SLC7A6OS: variants seen among roughly 807,000 people sequenced by gnomAD.
SLC7A6OS encodes the protein probable RNA polymerase II nuclear localization protein SLC7A6OS.
A neutral mutation model predicts 34.3 loss-of-function variants in SLC7A6OS; 22 were observed. The observed-to-expected ratio is 0.64, with a 90% CI of 0.46 to 0.92. SLC7A6OS has a LOEUF of 0.92. Among genes scored for constraint, SLC7A6OS ranks in the 40% least tolerant of loss-of-function variants. SLC7A6OS has a pLI of 0.00. For synonymous variants in SLC7A6OS, 199 were observed against 165.0 expected (o/e 1.21, Z -1.58); for missense variants, 434 against 407.7 (o/e 1.06, Z -0.56).
intron 3 of SLC7A6OS, among the ~76,000 whole-genome samples, chr16:68,303,263 CAA>C (rs796694122): frequency 6.1e-4 from 51 of 84,128 alleles, no homozygotes; most frequent in African/African-American, 7.7e-4. Context: ...GACTCCATCT[CAA>C]AAAAAAAAAA....
rs2043243975 is a variant in SLC7A6OS, at chr16:68,300,107, G to A, written c.*1168C>T. 6.6e-6 allele frequency: 1 copy of A among 152,238 alleles called. No individual in the cohort carries two copies. The highest frequency in any genetic ancestry group is 1.5e-5 in the Non-Finnish European group (1 of 68,042). 9.4% of individuals were successfully genotyped at this position (152,238 alleles called of 1,614,324 possible). On this transcript the variant is annotated 3_prime_UTR_variant, in exon 5 of 5. Coordinates refer to ENST00000263997, the MANE Select transcript of SLC7A6OS (RefSeq NM_032178.3). ...GTACACCCCTAGCTGAATGTTCTGT[G>A]TTGTTTCCTTAGACCTGTGGTGTCC...
rs1312626979 is a variant in SLC7A6OS at position 68,310,562 on chromosome 16, T to C, written c.244A>G (p.Ser82Gly). 7.6e-6 allele frequency: 12 copies of C among 1,584,124 alleles called. No individual in the cohort carries two copies. Among genetic ancestry groups the C allele is most frequent in the Non-Finnish European group, 1.0e-5 (12 of 1,166,652 alleles). The change falls in exon 2 of 5, where the codon AGC becomes GGC. Residue 82 changes from serine to glycine, a missense_variant. Physicochemically the swap from Ser to Gly is moderately conservative, Grantham distance 56. Transcript: ENST00000263997. ...LREVLRPSRDSQQRVRRNLRA... is the reference protein window; with the variant it reads ...LREVLRPSRDGQQRVRRNLRA... ...AGATTACGGCGGACACGCTGCTGGC[T>C]GTCCCGTGACGGGCGCAGAACTTCC...
chr16:68,310,328 T>A lies in SLC7A6OS; in HGVS notation c.471+7A>T. 1 of 1,590,780 alleles carries A rather than the reference T, an allele frequency of 6.3e-7. No homozygotes were observed. The highest frequency in any genetic ancestry group is 8.6e-7 in the Non-Finnish European group (1 of 1,164,816). On this transcript the variant is annotated splice_region_variant and intron_variant, in intron 2 of 4. Coordinates refer to ENST00000263997, the MANE Select transcript of SLC7A6OS (RefSeq NM_032178.3). Reference sequence around the variant, plus strand: ...AGCCCAGCGACCACCTTCAGGGGCATACTCACTTTGCAGGAGCCTGCAGAG... The same window carrying A: ...AGCCCAGCGACCACCTTCAGGGGCAAACTCACTTTGCAGGAGCCTGCAGAG...
In SLC7A6OS at chr16:68,300,655, C is replaced by T; in HGVS notation, c.*620G>A. 1.0e-6 allele frequency: 1 copy of T among 985,444 alleles called. No individual in the cohort carries two copies. Among genetic ancestry groups the T allele is most frequent in the Non-Finnish European group, 1.2e-6 (1 of 829,932 alleles). The allele number at this position is 985,444 out of a possible 1,614,324, so 61.0% of individuals were successfully genotyped here. On this transcript the variant is annotated 3_prime_UTR_variant, in exon 5 of 5. Coordinates refer to ENST00000263997, the MANE Select transcript of SLC7A6OS (RefSeq NM_032178.3). ...TAGATTTTACTAAACACATGTATCACATTCATATATATTGTTTCTTGGCCC... is the reference window on the plus strand; with the variant it reads ...TAGATTTTACTAAACACATGTATCATATTCATATATATTGTTTCTTGGCCC...
chr16:68,301,734 G>A (rs1001182381), intron 4 of SLC7A6OS: 18 of 177,490 alleles, frequency 1.0e-4, no homozygotes, highest in African/African-American at 3.1e-4. Context: ...CTTTTAACGT[G>A]TTATTGACAA....
chr16:68,301,086 A>C lies in SLC7A6OS; in HGVS notation c.*189T>G. ...GATTGAGGCAAAGGGGTCCTACTGT[A>C]AGTGGAAAAGACTCACTCCCCTAAC... On this transcript the variant is annotated 3_prime_UTR_variant, in exon 5 of 5. Coordinates refer to ENST00000263997, the MANE Select transcript of SLC7A6OS (RefSeq NM_032178.3). 7.7e-7 allele frequency: 1 copy of C among 1,294,110 alleles called. No homozygotes were observed. The highest frequency in any genetic ancestry group is 9.8e-7 in the Non-Finnish European group (1 of 1,019,436). 80.2% of individuals were successfully genotyped at this position (1,294,110 alleles called of 1,614,324 possible). A position where few individuals can be genotyped will look rare whatever the true frequency, so the allele number is the denominator to read the frequency against.
At chr16:68,307,515 A>T (rs117078882) in intron 2 of SLC7A6OS, among the ~76,000 whole-genome samples, 3 of 152,328 alleles carry the variant, frequency 2.0e-5, no homozygotes, top group Non-Finnish European at 2.9e-5. Flanking sequence ...AAATGCTGTC[A>T]TTTTTAAATT....
chr16:68,304,221 T>G lies in SLC7A6OS; in HGVS notation c.483A>C (p.Pro161=). The change falls in exon 3 of 5, where the codon CCA becomes CCC. Residue 161 remains proline, a synonymous_variant. Coordinates refer to ENST00000263997, the MANE Select transcript of SLC7A6OS (RefSeq NM_032178.3). ...ASAGSCKTSD[P]DVILCNSVEL... Reference sequence around the variant, plus strand: ...CTACAGAATTGCAGAGGATCACATCTGGGTCAGATGTCTGTAAAGAAACCA... The same window carrying G: ...CTACAGAATTGCAGAGGATCACATCGGGGTCAGATGTCTGTAAAGAAACCA... The G allele has an allele frequency of 6.2e-7, 1 of 1,614,154 alleles. No homozygotes were observed. Among genetic ancestry groups the G allele is most frequent in the African/African-American group, 1.3e-5 (1 of 75,042 alleles).
At chr16:68,307,673 C>G (rs774641923) in intron 2 of SLC7A6OS, among the ~76,000 whole-genome samples, 5 of 152,060 alleles carry the variant, frequency 3.3e-5, no homozygotes, top group Non-Finnish European at 7.3e-5. Context: ...CAATTGTGTA[C>G]GCTTTTAATC....
chr16:68,304,042 C>T lies in SLC7A6OS; in HGVS notation c.662G>A (p.Ser221Asn). The T allele has an allele frequency of 6.2e-7, 1 of 1,613,558 alleles. No individual in the cohort carries two copies. Residue 221 changes from serine (S) to asparagine (N), a missense_variant, in exon 3 of 5, where the codon AGC (serine) becomes AAC (asparagine). Transcript: ENST00000263997. ...CCCCCTTACCAGCTCCCATTCTTGG[C>T]TGTAGGGCTGCACGGAGAGGATGTT... is the stretch of plus-strand genomic sequence containing the variant. Reference protein sequence around the residue: ...IENILSVQPYSQEWELVNDDQ... With the variant: ...IENILSVQPYNQEWELVNDDQ...
intron 2 of SLC7A6OS, among the ~76,000 whole-genome samples, chr16:68,306,105 T>C (rs961933376): frequency 1.3e-5 from 2 of 152,238 alleles, no homozygotes; most frequent in African/African-American, 4.8e-5. Flanking sequence ...TACAGAATTT[T>C]GTACTCAGAA....
intron 3 of SLC7A6OS, chr16:68,303,725 A>G (rs1220253799): frequency 6.8e-6 from 2 of 293,734 alleles, no homozygotes; most frequent in African/African-American, 4.3e-5. Flanking sequence ...TTATCTTATC[A>G]TAAGCCCCAT....
intron 4 of SLC7A6OS, 125 bp from the exon 5 acceptor site, chr16:68,301,530 TAAAAA>T: frequency 1.5e-6 from 1 of 688,310 alleles, no homozygotes; most frequent in Non-Finnish European, 2.2e-6. Context: ...GCTCAATAAA[TAAAAA>T]AGAATATAGA....
At chr16:68,302,339 T>C (rs1293225958) in intron 4 of SLC7A6OS, 42 bp downstream of exon 4, 3 of 1,611,774 alleles carry the variant, frequency 1.9e-6, no homozygotes, top group African/African-American at 2.7e-5. Context: ...CACCTCAGTC[T>C]CAGATCCTAC....
Position 68,300,531 on chromosome 16 carries a change from T to G in SLC7A6OS, c.*744A>C, listed in dbSNP as rs2043251809. 1.2e-6 allele frequency: 1 copy of G among 831,352 alleles called. No individual in the cohort carries two copies. Among genetic ancestry groups the G allele is most frequent in the Non-Finnish European group, 1.5e-6 (1 of 689,534 alleles). The allele number at this position is 831,352 out of a possible 1,614,324, so 51.5% of individuals were successfully genotyped here. A position where few individuals can be genotyped will look rare whatever the true frequency, so the allele number is the denominator to read the frequency against. On this transcript the variant is annotated 3_prime_UTR_variant, in exon 5 of 5. Transcript: ENST00000263997. Reference sequence around the variant, plus strand: ...TCCCTTGCCTTAAGTCCTTGGTATTTATAATCAATGCTGAACCTTCTATTT... The same window carrying G: ...TCCCTTGCCTTAAGTCCTTGGTATTGATAATCAATGCTGAACCTTCTATTT...
chr16:68,300,517 A>G lies in SLC7A6OS; in HGVS notation c.*758T>C, dbSNP rs1310093742. The G allele has an allele frequency of 1.4e-6, 1 of 719,544 alleles. No homozygotes were observed. The highest frequency in any genetic ancestry group is 6.3e-5 in the Admixed American group (1 of 15,976). 44.6% of individuals were successfully genotyped at this position (719,544 alleles called of 1,614,324 possible). A position where few individuals can be genotyped will look rare whatever the true frequency, so the allele number is the denominator to read the frequency against. On this transcript the variant is annotated 3_prime_UTR_variant, in exon 5 of 5. Transcript: ENST00000263997. Reference sequence around the variant, plus strand: ...TACTTTGTTTTTCCTCCCTTGCCTTAAGTCCTTGGTATTTATAATCAATGC... The same window carrying G: ...TACTTTGTTTTTCCTCCCTTGCCTTGAGTCCTTGGTATTTATAATCAATGC...
intron 4 of SLC7A6OS, chr16:68,302,145 C>A: frequency 9.8e-6 from 5 of 510,912 alleles, no homozygotes; most frequent in South Asian, 2.6e-5. Context: ...TGCCCAAGAG[C>A]CACAGCAAAG....
At position 68,299,693 on chromosome 16, in the gene SLC7A6OS, G is replaced by A. The variant is rs1256923418; in HGVS notation, c.*1582C>T. 1 of 152,118 alleles carries A rather than the reference G, an allele frequency of 6.6e-6. No homozygotes were observed. The highest frequency in any genetic ancestry group is 2.4e-5 in the African/African-American group (1 of 41,422). 9.4% of individuals were successfully genotyped at this position (152,118 alleles called of 1,614,324 possible). On this transcript the variant is annotated 3_prime_UTR_variant, in exon 5 of 5. Transcript: ENST00000263997. ...CACAGTGTTTTGTTTTTTTCACCCG[G>A]TTGCTGTATGAGAATGGCTTTCAAT...
In SLC7A6OS at chr16:68,310,434, C is replaced by G. The variant is rs556510060; in HGVS notation, c.372G>C (p.Thr124=). 1 of 1,607,346 alleles carries G rather than the reference C, an allele frequency of 6.2e-7. No individual in the cohort carries two copies. Among genetic ancestry groups the G allele is most frequent in the Non-Finnish European group, 8.5e-7 (1 of 1,177,316 alleles). ...TTSSGQESEY[T]PGNPEAAGNS... ...TCCCGGCGGCTTCTGGGTTCCCCGG[C>G]GTGTACTCGGACTCCTGGCCGCTCG... is the stretch of plus-strand genomic sequence containing the variant. Residue 124 remains threonine (T), a synonymous_variant, in exon 2 of 5, where the codon ACG becomes ACC. Transcript: ENST00000263997.
Sources: gnomAD v4.1 joint callset for allele counts (sites outside exome capture counted in the v4.1 genomes callset) on GRCh38, gnomAD v4.1.1 for gene constraint, MANE v1.5 for transcripts, NCBI Gene and HGNC (gene_info 2026-07-23, HGNC 2026-07-21) for gene names.